The following TRPC4 variants were observed in gnomAD, a reference collection of about 807,000 sequenced individuals.
The protein encoded by TRPC4 is transient receptor potential cation channel subfamily C member 4, also known as short transient receptor potential channel 4.
Under a neutral mutation model 99.4 loss-of-function variants are expected in TRPC4, and 49 were observed. That is an observed-to-expected ratio of 0.49 (90% CI 0.39 to 0.63). The LOEUF (loss-of-function observed/expected upper bound fraction) is 0.63. Ranked by LOEUF, TRPC4 falls within the 20% of genes least tolerant of loss-of-function variation. The pLI is 0.00. For synonymous variants in TRPC4, 454 were observed against 425.9 expected, an observed-to-expected ratio of 1.07 and a Z score of -0.81; for missense variants, 898 against 1,152.9, an observed-to-expected ratio of 0.78 and a Z score of 3.20.
At chr13:37,849,199 A>T (rs552765800) in intron 1 of TRPC4, among the ~76,000 whole-genome samples, 1 of 152,326 alleles carries the variant, frequency 6.6e-6, no homozygotes, top group African/African-American at 2.4e-5. Context: ...TTACTATGCC[A>T]TCTAGCTTAT....
chr13:37,814,820 T>C (rs1032165445), intron 1 of TRPC4, among the ~76,000 whole-genome samples: 2 of 151,802 alleles, frequency 1.3e-5, no homozygotes, highest in East Asian at 3.9e-4. Context: ...TAAAAGAAAT[T>C]GACAAGCTGA....
In TRPC4 at chr13:37,832,203, C is replaced by T. The variant is rs568779992; in HGVS notation, c.-28+37392G>A. 1.6e-3 allele frequency among the ~76,000 whole-genome samples: 239 copies of T among 152,114 alleles called. 1 individual carries two copies. The highest frequency in any genetic ancestry group is 6.8e-3 in the Middle Eastern group (2 of 294). On this transcript the variant is annotated intron_variant, in intron 1 of 10. Transcript: ENST00000379705. ...CAGTAAAATAATTTTTTAAATGACA[C>T]GATATTGTTGTTTTTAAGCCAACAA...
Position 37,783,286 on chromosome 13 carries a change from G to A in TRPC4, c.48C>T (p.Asp16=), listed in dbSNP as rs781155424. 1.2e-6 allele frequency: 2 copies of A among 1,612,042 alleles called. No individual in the cohort carries two copies. The highest frequency in any genetic ancestry group is 1.3e-5 in the African/African-American group (1 of 74,750). The change falls in exon 2 of 11, where the codon GAC becomes GAT. Residue 16 remains aspartate (D), a synonymous_variant. Transcript: ENST00000379705. ...YKRNVNAPYR[D]RIPLRIVRAE... ...CTCTTACTATCCTTAGAGGGATGCG[G>A]TCTCTATAGGGAGCATTAACATTTC...
intron 2 of TRPC4, among the ~76,000 whole-genome samples, chr13:37,751,489 G>A (rs1332646025): frequency 1.3e-5 from 2 of 152,064 alleles, no homozygotes; most frequent in South Asian, 2.1e-4. Context: ...TAAAGGAAAA[G>A]GGGACCCTAT....
intron 4 of TRPC4, among the ~76,000 whole-genome samples, chr13:37,677,116 C>T (rs1396118424): frequency 6.6e-6 from 1 of 151,900 alleles, no homozygotes; most frequent in African/African-American, 2.4e-5. Flanking sequence ...GGTTCTTATA[C>T]TACACATAAA....
intron 1 of TRPC4, among the ~76,000 whole-genome samples, chr13:37,819,692 G>C (rs1021507114): frequency 6.6e-6 from 1 of 151,906 alleles, no homozygotes; most frequent in Non-Finnish European, 1.5e-5. Context: ...TTGGAAGAGG[G>C]AGAGGATCAG....
intron 1 of TRPC4, among the ~76,000 whole-genome samples, chr13:37,837,421 G>C (rs780869624): frequency 6.6e-6 from 1 of 152,106 alleles, no homozygotes; most frequent in Non-Finnish European, 1.5e-5. Flanking sequence ...GCAAAGGCTT[G>C]GCTGCCCAAG....
chr13:37,810,138 C>A (rs1216614200), intron 1 of TRPC4, among the ~76,000 whole-genome samples: 1 of 151,974 alleles, frequency 6.6e-6, no homozygotes, highest in African/African-American at 2.4e-5. Flanking sequence ...AAATTTAAAT[C>A]ATGCTAGAAG....
At chr13:37,673,286 T>C (rs1244978806) in intron 5 of TRPC4, among the ~76,000 whole-genome samples, 1 of 151,804 alleles carries the variant, frequency 6.6e-6, no homozygotes, top group Non-Finnish European at 1.5e-5. Context: ...CATCCTTTTC[T>C]ATGGCTGCAT....
intron 5 of TRPC4, among the ~76,000 whole-genome samples, chr13:37,667,748 A>G (rs188910840): frequency 6.6e-6 from 1 of 152,316 alleles, no homozygotes; most frequent in African/African-American, 2.4e-5. Flanking sequence ...CTCCTTTTAA[A>G]GATTTAACTG....
intron 1 of TRPC4, among the ~76,000 whole-genome samples, chr13:37,804,668 T>C (rs2139444924): frequency 6.6e-6 from 1 of 152,204 alleles, no homozygotes; most frequent in Non-Finnish European, 1.5e-5. Flanking sequence ...TTTGGTAATT[T>C]TAAGAAGCTA....
At chr13:37,764,931 T>C (rs1956321882) in intron 2 of TRPC4, among the ~76,000 whole-genome samples, 1 of 151,146 alleles carries the variant, frequency 6.6e-6, no homozygotes, top group South Asian at 2.1e-4. Context: ...TACACTTATA[T>C]TTTTGAGTGA....
Position 37,783,495 on chromosome 13 carries a change from T to A in TRPC4, c.-27-135A>T, listed in dbSNP as rs1038174220. 19 of 570,786 alleles carry A rather than the reference T, an allele frequency of 3.3e-5. No individual in the cohort carries two copies. The East Asian group carries it at 6.5e-4, about 19-fold the overall frequency. The allele number at this position is 570,786 out of a possible 1,614,324, so 35.4% of individuals were successfully genotyped here. A position where few individuals can be genotyped will look rare whatever the true frequency, so the allele number is the denominator to read the frequency against. On this transcript the variant is annotated intron_variant, in intron 1 of 10. Transcript: ENST00000379705. ...TAGTAACTATTAAGAGTTAAGGTTT[T>A]TTTTTTTCTTCAACAATATAAATAC...
At chr13:37,730,571 T>A (rs963676030) in intron 3 of TRPC4, among the ~76,000 whole-genome samples, 1 of 151,864 alleles carries the variant, frequency 6.6e-6, no homozygotes, top group South Asian at 2.1e-4. Flanking sequence ...ATTTATATTA[T>A]CAAAGCTCTT....
At chr13:37,749,975 C>T (rs1955886981) in intron 2 of TRPC4, among the ~76,000 whole-genome samples, 1 of 152,104 alleles carries the variant, frequency 6.6e-6, no homozygotes, top group Non-Finnish European at 1.5e-5. Flanking sequence ...TCACAAGCCT[C>T]CCACTTGTTA....
At chr13:37,730,342 G>A (rs1955203582) in intron 3 of TRPC4, among the ~76,000 whole-genome samples, 1 of 151,686 alleles carries the variant, frequency 6.6e-6, no homozygotes, top group African/African-American at 2.4e-5. Context: ...ACTTTTTCAA[G>A]AGCTTGAAAA....
chr13:37,713,335 C>T (rs751246840), intron 3 of TRPC4, among the ~76,000 whole-genome samples: 7 of 152,152 alleles, frequency 4.6e-5, no homozygotes, highest in Non-Finnish European at 1.0e-4. Flanking sequence ...ATTCTTTTAT[C>T]TAGATAATAA....
At chr13:37,728,014 A>G (rs1238615109) in intron 3 of TRPC4, among the ~76,000 whole-genome samples, 2 of 152,090 alleles carry the variant, frequency 1.3e-5, no homozygotes, top group Non-Finnish European at 2.9e-5. Context: ...AAAAACACTC[A>G]GCAAATTAGG....
intron 3 of TRPC4, among the ~76,000 whole-genome samples, chr13:37,717,201 T>C (rs918348485): frequency 6.6e-6 from 1 of 152,148 alleles, no homozygotes; most frequent in Non-Finnish European, 1.5e-5. Flanking sequence ...GTGAATTATA[T>C]TGATTTAGAG....
Sources: gnomAD v4.1 joint callset for allele counts (sites outside exome capture counted in the v4.1 genomes callset) on GRCh38, gnomAD v4.1.1 for gene constraint, MANE v1.5 for transcripts, NCBI Gene and HGNC (gene_info 2026-07-23, HGNC 2026-07-21) for gene names.